Variants in ANKRD26 observed in about 807,000 individuals in gnomAD.
The protein encoded by ANKRD26 is ankyrin repeat domain 26.
A neutral mutation model predicts 208.7 loss-of-function variants in ANKRD26; 141 were observed. That is an observed-to-expected ratio of 0.68 (90% CI 0.59 to 0.78). The LOEUF (loss-of-function observed/expected upper bound fraction) is 0.78. Among genes scored for constraint, ANKRD26 ranks in the 30% least tolerant of loss-of-function variants. ANKRD26 has a pLI of 0.00. For synonymous variants in ANKRD26, 636 were observed against 660.4 expected, an observed-to-expected ratio of 0.96 and a Z score of 0.57; for missense variants, 1,889 against 1,938.7, an observed-to-expected ratio of 0.97 and a Z score of 0.48.
chr10:27,086,422 C>T, intron 5 of ANKRD26, 117 bp downstream of exon 5: 3 of 1,308,026 alleles, frequency 2.3e-6, no homozygotes, highest in East Asian at 2.5e-5. Flanking sequence ...AGAAAAAATA[C>T]ACATGCACCT....
chr10:27,022,507 A>G (rs1328286763), intron 29 of ANKRD26, 51 bp downstream of exon 29: 1 of 1,381,852 alleles, frequency 7.2e-7, no homozygotes, highest in Non-Finnish European at 1.0e-6. Context: ...AGAAGTCTAT[A>G]TTTCCCAAAA....
rs763842442 is a variant in ANKRD26, at chr10:27,044,142, TA to T, written c.2019+14del. 7.9e-5 allele frequency: 108 copies of T among 1,373,544 alleles called. No homozygotes were observed. Among genetic ancestry groups the T allele is most frequent in the Non-Finnish European group, 1.0e-4 (106 of 1,010,900 alleles). The allele number at this position is 1,373,544 out of a possible 1,614,324, so 85.1% of individuals were successfully genotyped here. A position where few individuals can be genotyped will look rare whatever the true frequency, so the allele number is the denominator to read the frequency against. ...TTTTTAAACAATAATTTTGATAATT[TA>T]TTTTTTACAGTACCTTGTTCTTTTC... On this transcript the variant is annotated intron_variant, in intron 19 of 33. Transcript: ENST00000376087.
At chr10:26,979,021 G>C (rs1230677422) in intron 5 of ANKRD26, among the ~76,000 whole-genome samples, 3 of 152,130 alleles carry the variant, frequency 2.0e-5, no homozygotes, top group African/African-American at 7.2e-5. Context: ...AGTAGATCGA[G>C]ACCATCTTGC....
In ANKRD26 at chr10:27,077,443, A is replaced by T. The variant is rs772012550; in HGVS notation, c.972T>A (p.Pro324=). 6.2e-7 allele frequency: 1 copy of T among 1,613,750 alleles called. No homozygotes were observed. Among genetic ancestry groups the T allele is most frequent in the East Asian group, 2.2e-5 (1 of 44,880 alleles). Reference sequence around the variant, plus strand: ...AGCACTGGACTTTGATTGATGTTGTAGGAAGGCTTTCAACCACAACTTCAT... The same window carrying T: ...AGCACTGGACTTTGATTGATGTTGTTGGAAGGCTTTCAACCACAACTTCAT... ...SQDEVVVESL[P]TTSIKVQCFS... is the part of the protein sequence containing the mutation. The change falls in exon 9 of 34, where the codon CCT becomes CCA. Residue 324 remains proline (P), a synonymous_variant. Coordinates refer to ENST00000376087, the MANE Select transcript of ANKRD26 (RefSeq NM_014915.3).
At chr10:27,064,623 T>A (rs2055175672) in intron 11 of ANKRD26, among the ~76,000 whole-genome samples, 1 of 152,196 alleles carries the variant, frequency 6.6e-6, no homozygotes, top group Non-Finnish European at 1.5e-5. Context: ...CTGTTAAGTA[T>A]AAATAGAACA....
chr10:26,984,623 TG>T (rs1210102901), intron 3 of ANKRD26, among the ~76,000 whole-genome samples: 1 of 152,156 alleles, frequency 6.6e-6, no homozygotes, highest in African/African-American at 2.4e-5. Flanking sequence ...TACCAAAACT[TG>T]GCTTTTCATA....
At chr10:26,948,672 T>C in the ANKRD26 span, among the ~76,000 whole-genome samples, 1 of 152,228 alleles carries the variant, frequency 6.6e-6, no homozygotes, top group Non-Finnish European at 1.5e-5. Flanking sequence ...CATGAGTTAT[T>C]CTCAATGGTT....
At chr10:26,975,402 C>CTT (rs60226106) in exon 6 of ANKRD26, among the ~76,000 whole-genome samples, 1,056 of 90,440 alleles carry the variant, frequency 0.012, 54 homozygotes, top group African/African-American at 0.046. Flanking sequence ...CTAATTTTTG[C>CTT]TTTTTTTTTT....
intron 15 of ANKRD26, among the ~76,000 whole-genome samples, chr10:27,058,353 T>C (rs2054915663): frequency 6.6e-6 from 1 of 152,162 alleles, no homozygotes; most frequent in Non-Finnish European, 1.5e-5. Context: ...TTCTGAGAAG[T>C]GTACAGTAGA....
intron 7 of ANKRD26, among the ~76,000 whole-genome samples, chr10:27,078,702 C>T (rs1223826776): frequency 1.3e-5 from 2 of 152,026 alleles, no homozygotes; most frequent in African/African-American, 4.8e-5. Context: ...AACATTCTTA[C>T]TACAGAGAGA....
At chr10:26,948,994 T>TA in the ANKRD26 span, among the ~76,000 whole-genome samples, 7 of 151,602 alleles carry the variant, frequency 4.6e-5, no homozygotes, top group South Asian at 2.1e-4. Flanking sequence ...AAACGCCATC[T>TA]AAAAAAAATG....
At position 27,048,991 on chromosome 10, in the gene ANKRD26, G is replaced by C. The variant is rs2135347026; in HGVS notation, c.1636-12C>G. On this transcript the variant is annotated splice_polypyrimidine_tract_variant and intron_variant, in intron 16 of 33. Coordinates refer to ENST00000376087, the MANE Select transcript of ANKRD26 (RefSeq NM_014915.3). ...CTTTCTTCTTCAACCTTTAATGAAA[G>C]TTTGATACTAAGGAATTGCTATTAC... 2 of 1,577,958 alleles carry C rather than the reference G, an allele frequency of 1.3e-6. No homozygotes were observed. The highest frequency in any genetic ancestry group is 1.7e-6 in the Non-Finnish European group (2 of 1,155,298).
chr10:27,034,724 C>A, intron 24 of ANKRD26, 72 bp downstream of exon 24: 1 of 954,856 alleles, frequency 1.0e-6, no homozygotes, highest in South Asian at 1.6e-5. Context: ...TTATAGTTAA[C>A]TACATAACTA....
the ANKRD26 span, among the ~76,000 whole-genome samples, chr10:26,952,472 T>C: frequency 1.3e-5 from 2 of 151,856 alleles, no homozygotes; most frequent in Admixed American, 6.6e-5. Context: ...TTTGGGCACC[T>C]TGATGTTGAA....
intron 9 of ANKRD26, among the ~76,000 whole-genome samples, chr10:27,074,627 G>A (rs975973108): frequency 1.3e-5 from 2 of 152,118 alleles, no homozygotes; most frequent in Admixed American, 1.3e-4. Context: ...GTTGCAGTGA[G>A]CTGAGATCAC....
chr10:26,963,057 GGTTAA>G, the ANKRD26 span, among the ~76,000 whole-genome samples: 4 of 152,056 alleles, frequency 2.6e-5, no homozygotes, highest in Non-Finnish European at 4.4e-5. Flanking sequence ...GGCATAGAAA[GGTTAA>G]GTTGTTTGTC....
intron 15 of ANKRD26, among the ~76,000 whole-genome samples, chr10:27,057,620 G>C (rs112130259): frequency 0.011 from 1,720 of 152,174 alleles, 35 homozygotes; most frequent in African/African-American, 0.039. Flanking sequence ...TAAGCCTTGG[G>C]TAAACATCAG....
At chr10:26,956,623 T>C in the ANKRD26 span, among the ~76,000 whole-genome samples, 1 of 151,782 alleles carries the variant, frequency 6.6e-6, no homozygotes, top group Non-Finnish European at 1.5e-5. Context: ...CTGAGTGAGC[T>C]TGTGTCTCAA....
At chr10:27,042,798 CAAAAAA>C (rs60850386) in intron 20 of ANKRD26, among the ~76,000 whole-genome samples, 8 of 48,948 alleles carry the variant, frequency 1.6e-4, no homozygotes, top group East Asian at 9.3e-4. Flanking sequence ...CAAAAAAATA[CAAAAAA>C]AAAAAAAAAA....
Sources: gnomAD v4.1 joint callset for allele counts (sites outside exome capture counted in the v4.1 genomes callset) on GRCh38, gnomAD v4.1.1 for gene constraint, MANE v1.5 for transcripts, NCBI Gene and HGNC (gene_info 2026-07-23, HGNC 2026-07-21) for gene names.